The following ATP2B2 variants were observed in gnomAD, a reference collection of about 807,000 sequenced individuals.
The protein encoded by ATP2B2 is ATPase plasma membrane Ca2+ transporting 2, also known as plasma membrane calcium-transporting ATPase 2.
Under a neutral mutation model 120.0 loss-of-function variants are expected in ATP2B2, and 15 were observed. The ratio of observed to expected loss-of-function variants is 0.12; its 90% CI spans 0.08 to 0.19. ATP2B2 has a LOEUF of 0.19. Among genes scored for constraint, ATP2B2 ranks in the 10% least tolerant of loss-of-function variants. The probability of loss-of-function intolerance (pLI) is 1.00; values close to 1 mark genes in which losing one functional copy is unlikely to be tolerated. For synonymous variants in ATP2B2, 694 were observed against 700.3 expected (o/e 0.99, Z 0.14); for missense variants, 1,045 against 1,719.8 (o/e 0.61, Z 6.94).
In ATP2B2 at chr3:10,620,451, G is replaced by T. The variant is rs566849087; in HGVS notation, c.-459-490C>A. 7.9e-5 allele frequency among the ~76,000 whole-genome samples: 12 copies of T among 152,316 alleles called. No homozygotes were observed. The South Asian group carries it at 1.7e-3, about 21-fold the overall frequency. Reference sequence around the variant, plus strand: ...GACTGAATCAGTCAGGGACTTGGGGGTATCCCTGTCATTTGAGGAGGGTTT... The same window carrying T: ...GACTGAATCAGTCAGGGACTTGGGGTTATCCCTGTCATTTGAGGAGGGTTT... On this transcript the variant is annotated intron_variant, in intron 1 of 21. Coordinates refer to the ATP2B2 transcript ENST00000646379.
At chr3:10,571,666 G>A (rs1005604732) in intron 2 of ATP2B2, among the ~76,000 whole-genome samples, 2 of 152,214 alleles carry the variant, frequency 1.3e-5, no homozygotes, top group African/African-American at 4.8e-5. Flanking sequence ...GGGCTTGGAA[G>A]GGGTTGAAGA....
chr3:10,505,323 A>C (rs918073436), intron 1 of ATP2B2, 142 bp downstream of exon 1: 2 of 150,872 alleles, frequency 1.3e-5, no homozygotes, highest in African/African-American at 4.9e-5. Flanking sequence ...CCCCCCCTCC[A>C]CGCTGCCACC....
chr3:10,471,961 G>A (rs1044355625), intron 1 of ATP2B2, among the ~76,000 whole-genome samples: 1 of 151,478 alleles, frequency 6.6e-6, no homozygotes, highest in Non-Finnish European at 1.5e-5. Context: ...GGCGCCTGTA[G>A]TCCCAGCTAC....
chr3:10,612,007 C>A (rs1274604890), intron 2 of ATP2B2, among the ~76,000 whole-genome samples: 1 of 152,194 alleles, frequency 6.6e-6, no homozygotes, highest in Non-Finnish European at 1.5e-5. Context: ...CAGCCAGCAT[C>A]GCATTTTACA....
rs761073766 is a variant in ATP2B2 at position 10,449,450 on chromosome 3, G to A, written c.94C>T (p.Arg32Cys). The A allele has an allele frequency of 1.6e-5, 26 of 1,614,114 alleles. No individual in the cohort carries two copies. Among genetic ancestry groups the A allele is most frequent in the African/African-American group, 4.0e-5 (3 of 74,944 alleles). The change falls in exon 2 of 23, where the codon CGC becomes TGC. Residue 32 changes from arginine (R) to cysteine (C), a missense_variant. Physicochemically the swap from Arg to Cys is radical, Grantham distance 180. Around this residue, in one of 11 missense-constraint regions of ATP2B2, gnomAD observed 139 missense variants for 134.2 expected, o/e 1.04. Coordinates refer to ENST00000360273, the MANE Select transcript of ATP2B2 (RefSeq NM_001001331.4). ...GEFGCTMEEL[R>C]SLMELRGTEA... is the part of the protein sequence containing the mutation. ...GTGCCCCGCAGCTCCATGAGGGAGCGGAGCTCCTCCATTGTGCACCCGAAC... is the reference window on the plus strand; with the variant it reads ...GTGCCCCGCAGCTCCATGAGGGAGCAGAGCTCCTCCATTGTGCACCCGAAC...
At chr3:10,609,412 T>G (rs992900772) in intron 2 of ATP2B2, among the ~76,000 whole-genome samples, 1 of 152,186 alleles carries the variant, frequency 6.6e-6, no homozygotes, top group African/African-American at 2.4e-5. Context: ...CCGGCATCGA[T>G]CAGCCCTGCT....
chr3:10,394,512 C>T (rs1165987101), intron 5 of ATP2B2: 1 of 471,140 alleles, frequency 2.1e-6, no homozygotes, highest in Non-Finnish European at 4.4e-6. Context: ...CCACTACACC[C>T]CGCTGCCTCT....
At chr3:10,524,408 G>A (rs1197867250) in intron 3 of ATP2B2, among the ~76,000 whole-genome samples, 1 of 152,220 alleles carries the variant, frequency 6.6e-6, no homozygotes, top group Non-Finnish European at 1.5e-5. Flanking sequence ...TTTTGTAGAT[G>A]AGCATGCCGA....
At chr3:10,386,578 C>A (rs111409572) in intron 6 of ATP2B2, 66 bp from the exon 7 acceptor site, 6 of 1,542,278 alleles carry the variant, frequency 3.9e-6, no homozygotes, top group East Asian at 2.2e-5. Context: ...CCCATGCGCA[C>A]GCGCACACAC....
At chr3:10,405,749 C>T (rs754701689) in intron 3 of ATP2B2, among the ~76,000 whole-genome samples, 3 of 152,148 alleles carry the variant, frequency 2.0e-5, no homozygotes, top group Admixed American at 6.5e-5. Context: ...TCTGCATGTT[C>T]ACCAGTACAA....
chr3:10,346,273 G>T lies in ATP2B2; in HGVS notation c.2405-136C>A, dbSNP rs370443707. ...CTGTCCAGCCGCCCCCTCCATCCAG[G>T]CTCTTCCCAGCTCCAGGCTGGCCTA... On this transcript the variant is annotated intron_variant, in intron 16 of 22. Coordinates refer to ENST00000360273, the MANE Select transcript of ATP2B2 (RefSeq NM_001001331.4). This position sits in a 1 kb window ranked among gnomAD's most constrained non-coding sequence, Gnocchi z 4.1. 10 of 814,046 alleles carry T rather than the reference G, an allele frequency of 1.2e-5. No homozygotes were observed. Among genetic ancestry groups the T allele is most frequent in the African/African-American group, 3.4e-5 (2 of 59,304 alleles). The allele number at this position is 814,046 out of a possible 1,614,324, so 50.4% of individuals were successfully genotyped here.
At chr3:10,406,677 C>G (rs947492882) in intron 3 of ATP2B2, among the ~76,000 whole-genome samples, 8 of 152,244 alleles carry the variant, frequency 5.3e-5, no homozygotes, top group Non-Finnish European at 1.0e-4. Flanking sequence ...TAGAACATGA[C>G]ATGTCCCTGT....
Position 10,346,356 on chromosome 3 carries a change from CT to C in ATP2B2, c.2405-220del. Among the ~76,000 whole-genome samples, 1 of 152,378 alleles carries C rather than the reference CT, an allele frequency of 6.6e-6. No homozygotes were observed. The highest frequency in any genetic ancestry group is 1.5e-5 in the Non-Finnish European group (1 of 68,044). The stretch of plus-strand genomic sequence containing the variant: ...TGGGCTGGTGCCGACTTGGGGCCCC[CT>C]GTGGCCCGGGCCCTGCTCACCTCTC... On this transcript the variant is annotated intron_variant, in intron 16 of 22. Transcript: ENST00000360273. The surrounding 1 kb of genome is among the most constrained non-coding windows in gnomAD (Gnocchi z 4.1).
intron 6 of ATP2B2, among the ~76,000 whole-genome samples, chr3:10,387,010 C>G (rs1426999201): frequency 2.6e-5 from 4 of 152,198 alleles, no homozygotes; most frequent in African/African-American, 9.7e-5. Context: ...TCACTCAAGC[C>G]TCAGTGAGGT....
chr3:10,658,744 T>C (rs1156615185), intron 1 of ATP2B2, among the ~76,000 whole-genome samples: 1 of 151,842 alleles, frequency 6.6e-6, no homozygotes, highest in East Asian at 1.9e-4. Context: ...ATACAGAGAA[T>C]GCCACAAAGA....
chr3:10,400,867 G>T, intron 5 of ATP2B2, 86 bp downstream of exon 5: 1 of 1,593,128 alleles, frequency 6.3e-7, no homozygotes, highest in South Asian at 1.1e-5. Flanking sequence ...CAAAGTCTCT[G>T]AGTCCCTTCA....
chr3:10,623,101 T>C (rs1057479080), intron 1 of ATP2B2, among the ~76,000 whole-genome samples: 2 of 150,450 alleles, frequency 1.3e-5, no homozygotes, highest in African/African-American at 2.5e-5. Flanking sequence ...CTCTCTCTGT[T>C]GCCCTGGCTG....
At chr3:10,612,787 G>A (rs995588106) in intron 2 of ATP2B2, among the ~76,000 whole-genome samples, 6 of 152,092 alleles carry the variant, frequency 3.9e-5, no homozygotes, top group Admixed American at 1.3e-4. Flanking sequence ...TCTTCTGCTG[G>A]TCTTAGTAAA....
chr3:10,415,006 G>A (rs958236827), intron 2 of ATP2B2, among the ~76,000 whole-genome samples: 5 of 152,150 alleles, frequency 3.3e-5, no homozygotes, highest in African/African-American at 1.2e-4. Flanking sequence ...AGGTGGAGGT[G>A]GTCATGACGT....
Sources: gnomAD v4.1 joint callset for allele counts (sites outside exome capture counted in the v4.1 genomes callset) on GRCh38, gnomAD v4.1.1 for gene constraint, gnomAD v4.1.1 regional missense constraint, Gnocchi (gnomAD v3.1) non-coding constraint, MANE v1.5 for transcripts, NCBI Gene and HGNC (gene_info 2026-07-23, HGNC 2026-07-21) for gene names.